The following PRKCB variants were observed in gnomAD, a reference collection of about 807,000 sequenced individuals.
PRKCB encodes protein kinase C beta.
In PRKCB, 13 loss-of-function variants were observed where a neutral mutation model predicts 81.5. The ratio of observed to expected loss-of-function variants is 0.16; its 90% CI spans 0.10 to 0.25. The LOEUF (loss-of-function observed/expected upper bound fraction) is 0.25. PRKCB is among the 10% of genes least tolerant of loss of function. PRKCB has a pLI of 1.00. For synonymous variants in PRKCB, 335 were observed against 321.4 expected (o/e 1.04, Z -0.45); for missense variants, 509 against 875.7 (o/e 0.58, Z 5.29).
chr16:24,045,092 T>G (rs1965748026), intron 5 of PRKCB, among the ~76,000 whole-genome samples: 1 of 152,036 alleles, frequency 6.6e-6, no homozygotes, highest in Non-Finnish European at 1.5e-5. Flanking sequence ...TTGATTGCAA[T>G]ACATATCATT....
chr16:24,139,014 G>C (rs1966877278), intron 9 of PRKCB, among the ~76,000 whole-genome samples: 1 of 151,910 alleles, frequency 6.6e-6, no homozygotes, highest in South Asian at 2.1e-4. Context: ...ACTATGCCCG[G>C]CTAAATTTTA....
intron 2 of PRKCB, among the ~76,000 whole-genome samples, chr16:23,863,420 T>A (rs2141092316): frequency 6.6e-6 from 1 of 152,120 alleles, no homozygotes; most frequent in East Asian, 1.9e-4. Flanking sequence ...GGACTCACCC[T>A]GAATTCTTTC....
At chr16:24,062,404 G>A (rs1369179899) in intron 5 of PRKCB, among the ~76,000 whole-genome samples, 1 of 152,220 alleles carries the variant, frequency 6.6e-6, no homozygotes, top group Non-Finnish European at 1.5e-5. Flanking sequence ...CAATTCCCAA[G>A]CACTTTTGAG....
chr16:23,967,359 A>T (rs1329962372), intron 2 of PRKCB, among the ~76,000 whole-genome samples: 2 of 152,194 alleles, frequency 1.3e-5, no homozygotes, highest in Non-Finnish European at 2.9e-5. Context: ...ATAGTCACCC[A>T]TGGGGGCGAT....
intron 7 of PRKCB, chr16:24,110,982 T>C (rs1475395737): frequency 6.6e-6 from 1 of 152,242 alleles, no homozygotes; most frequent in Non-Finnish European, 1.5e-5. Context: ...GATATACAAA[T>C]CTAGCAAAAT....
intron 3 of PRKCB, among the ~76,000 whole-genome samples, chr16:24,024,062 A>G (rs1227024702): frequency 6.6e-6 from 1 of 152,250 alleles, no homozygotes; most frequent in African/African-American, 2.4e-5. Context: ...CCCAGGGACC[A>G]GAACCAGGAG....
chr16:24,045,366 C>T (rs1418112973), intron 5 of PRKCB, among the ~76,000 whole-genome samples: 2 of 152,064 alleles, frequency 1.3e-5, no homozygotes, highest in African/African-American at 4.8e-5. Context: ...GGCCTGTTCT[C>T]CGAGTTTCAT....
intron 2 of PRKCB, among the ~76,000 whole-genome samples, chr16:23,986,546 C>T (rs941239220): frequency 6.6e-6 from 1 of 152,108 alleles, no homozygotes; most frequent in African/African-American, 2.4e-5. Flanking sequence ...GCCACCACAC[C>T]CGGTTTCTAT....
intron 2 of PRKCB, among the ~76,000 whole-genome samples, chr16:23,970,664 G>A (rs1243092142): frequency 3.3e-5 from 5 of 152,170 alleles, no homozygotes; most frequent in Admixed American, 2.0e-4. Context: ...TTATTTAAAA[G>A]GAATCACGAT....
intron 16 of PRKCB, among the ~76,000 whole-genome samples, chr16:24,204,193 A>G (rs566336751): frequency 2.8e-4 from 42 of 152,232 alleles, no homozygotes; most frequent in African/African-American, 9.4e-4. Flanking sequence ...GCCACACCCT[A>G]CAAGAAACTT....
At chr16:23,945,977 G>A (rs1964200204) in intron 2 of PRKCB, among the ~76,000 whole-genome samples, 2 of 152,146 alleles carry the variant, frequency 1.3e-5, no homozygotes, top group African/African-American at 4.8e-5. Context: ...AAAAACTCAT[G>A]CTTCTTTCTC....
intron 2 of PRKCB, among the ~76,000 whole-genome samples, chr16:23,869,971 G>A (rs1311039292): frequency 2.0e-5 from 3 of 150,906 alleles, no homozygotes; most frequent in African/African-American, 7.3e-5. Flanking sequence ...GCGGTGAGCC[G>A]AGATCGCGCC....
chr16:23,947,688 C>T (rs1964221410), intron 2 of PRKCB, among the ~76,000 whole-genome samples: 1 of 151,964 alleles, frequency 6.6e-6, no homozygotes, highest in South Asian at 2.1e-4. Flanking sequence ...GGTAAGGGTT[C>T]AATCCAAACC....
chr16:24,053,245 T>C (rs1475102462), intron 5 of PRKCB, among the ~76,000 whole-genome samples: 1 of 152,250 alleles, frequency 6.6e-6, no homozygotes, highest in Non-Finnish European at 1.5e-5. Context: ...TGGAGATTTG[T>C]CAGAGAACAA....
chr16:24,128,194 G>T (rs184711296), intron 9 of PRKCB, among the ~76,000 whole-genome samples: 293 of 152,324 alleles, frequency 1.9e-3, no homozygotes, highest in African/African-American at 6.9e-3. Context: ...GGCCAATATG[G>T]TGAAACCCTG....
Position 24,219,167 on chromosome 16 carries a change from T to C in PRKCB, c.*4351T>C. Reference sequence around the variant, plus strand: ...CCAAGCAATTGCTAGTAAATGGGGGTTAATTTCTTCTCCACCTCCCTACTG... The same window carrying C: ...CCAAGCAATTGCTAGTAAATGGGGGCTAATTTCTTCTCCACCTCCCTACTG... On this transcript the variant is annotated 3_prime_UTR_variant, in exon 17 of 17. Transcript: ENST00000643927. The C allele has an allele frequency of 2.0e-6, 2 of 983,730 alleles. No individual in the cohort carries two copies. The allele number at this position is 983,730 out of a possible 1,614,324, so 60.9% of individuals were successfully genotyped here. A position where few individuals can be genotyped will look rare whatever the true frequency, so the allele number is the denominator to read the frequency against.
intron 2 of PRKCB, among the ~76,000 whole-genome samples, chr16:23,985,301 T>C (rs1316638512): frequency 6.6e-6 from 1 of 152,160 alleles, no homozygotes; most frequent in Admixed American, 6.5e-5. Flanking sequence ...TTCACCATGT[T>C]GGCCAGGCTG....
At chr16:23,937,488 A>C (rs1964078970) in intron 2 of PRKCB, among the ~76,000 whole-genome samples, 1 of 152,200 alleles carries the variant, frequency 6.6e-6, no homozygotes, top group South Asian at 2.1e-4. Flanking sequence ...AGCATTTACA[A>C]GTTTGCCCTC....
intron 15 of PRKCB, among the ~76,000 whole-genome samples, chr16:24,187,067 G>T (rs544158907): frequency 6.6e-6 from 1 of 152,132 alleles, no homozygotes; most frequent in Non-Finnish European, 1.5e-5. Context: ...TTATTGAAGG[G>T]TGGGGGCGGG....
Sources: gnomAD v4.1 joint callset for allele counts (sites outside exome capture counted in the v4.1 genomes callset) on GRCh38, gnomAD v4.1.1 for gene constraint, MANE v1.5 for transcripts, NCBI Gene and HGNC (gene_info 2026-07-23, HGNC 2026-07-21) for gene names.